The following LRRTM3 variants were observed in gnomAD, a reference collection of about 807,000 sequenced individuals.
LRRTM3 encodes the protein leucine rich repeat transmembrane neuronal 3, also known as leucine-rich repeat transmembrane neuronal protein 3.
A neutral mutation model predicts 44.7 loss-of-function variants in LRRTM3; 24 were observed. The ratio of observed to expected loss-of-function variants is 0.54; its 90% CI spans 0.39 to 0.76. The LOEUF (loss-of-function observed/expected upper bound fraction) is 0.76, where lower values mean the gene tolerates loss of function less well. LRRTM3 is among the 30% of genes least tolerant of loss of function. The pLI, the probability that LRRTM3 is intolerant of heterozygous loss-of-function variation, is 0.00. For missense variants in LRRTM3, 587 were observed against 702.2 expected (o/e 0.84, Z 1.85); for synonymous variants, 277 against 278.7 (o/e 0.99, Z 0.06).
intron 2 of LRRTM3, among the ~76,000 whole-genome samples, chr10:67,016,703 TTTGA>T (rs1408592699): frequency 1.3e-5 from 2 of 152,200 alleles, no homozygotes; most frequent in Non-Finnish European, 2.9e-5. Context: ...TCTTAGTGGG[TTTGA>T]TTATCTATTT....
chr10:67,019,500 G>A (rs544377730), intron 2 of LRRTM3, among the ~76,000 whole-genome samples: 1 of 152,200 alleles, frequency 6.6e-6, no homozygotes, highest in Non-Finnish European at 1.5e-5. Context: ...TTACAGGCAT[G>A]AGCCACCGTA....
At chr10:66,991,698 T>C (rs1589560497) in intron 2 of LRRTM3, among the ~76,000 whole-genome samples, 1 of 152,156 alleles carries the variant, frequency 6.6e-6, no homozygotes, top group African/African-American at 2.4e-5. Flanking sequence ...ATTAGAGGCA[T>C]GCACCAGAAA....
intron 2 of LRRTM3, among the ~76,000 whole-genome samples, chr10:67,028,007 G>A (rs973493380): frequency 2.6e-5 from 4 of 152,072 alleles, no homozygotes; most frequent in African/African-American, 9.7e-5. Context: ...TAAGGTAGCT[G>A]GTATTAACTG....
chr10:67,074,381 C>T (rs1416292055), intron 2 of LRRTM3, among the ~76,000 whole-genome samples: 7 of 117,238 alleles, frequency 6.0e-5, no homozygotes, highest in Non-Finnish European at 1.2e-4. Context: ...GACGGAGTCT[C>T]GCTCTGTCGC....
rs554954856 is a variant in LRRTM3, at chr10:67,040,889, A to G, written c.1537-56698A>G. Among the ~76,000 whole-genome samples, 35 of 152,280 alleles carry G rather than the reference A, an allele frequency of 2.3e-4. No homozygotes were observed. In the South Asian group the frequency reaches 7.0e-3, roughly 31 times the overall value. ...AACTATGACATACACCAAAGAGACA[A>G]AGATAAAAAAGACCTTGACTGACCC... On this transcript the variant is annotated intron_variant, in intron 2 of 2. Transcript: ENST00000361320.
chr10:67,017,756 C>T lies in LRRTM3; in HGVS notation c.1537-79831C>T, dbSNP rs574319512. ...GTGTGTGTGTGTGTGTGTGTGTGCG[C>T]GCGTACAATTTTATGTGTACAATTT... On this transcript the variant is annotated intron_variant, in intron 2 of 2. Transcript: ENST00000361320. 3.9e-3 allele frequency among the ~76,000 whole-genome samples: 584 copies of T among 148,874 alleles called. 9 individuals are homozygous for T. Among genetic ancestry groups the T allele is most frequent in the African/African-American group, 0.014 (554 of 40,504 alleles).
At chr10:67,053,715 AT>A (rs1467533572) in intron 2 of LRRTM3, among the ~76,000 whole-genome samples, 4 of 152,336 alleles carry the variant, frequency 2.6e-5, no homozygotes, top group African/African-American at 9.6e-5. Context: ...AAATGAAAAA[AT>A]AAATGGTGGT....
chr10:67,076,190 A>C (rs919882223), intron 2 of LRRTM3, among the ~76,000 whole-genome samples: 1 of 152,166 alleles, frequency 6.6e-6, no homozygotes, highest in African/African-American at 2.4e-5. Flanking sequence ...GAGAGCTACA[A>C]TTTTTCCAGC....
intron 2 of LRRTM3, among the ~76,000 whole-genome samples, chr10:67,041,330 C>T (rs1049005707): frequency 6.6e-6 from 1 of 152,042 alleles, no homozygotes; most frequent in East Asian, 1.9e-4. Flanking sequence ...GCCCAAGGGG[C>T]CTTCGTGATA....
chr10:66,970,508 G>GGGT (rs1422578176), intron 2 of LRRTM3, among the ~76,000 whole-genome samples: 18 of 140,022 alleles, frequency 1.3e-4, no homozygotes, highest in Admixed American at 7.4e-4. Flanking sequence ...TGGGTGGGGG[G>GGGT]GGGATACAAT....
chr10:67,042,115 A>G (rs746542049), intron 2 of LRRTM3, among the ~76,000 whole-genome samples: 2 of 152,208 alleles, frequency 1.3e-5, no homozygotes, highest in Non-Finnish European at 2.9e-5. Context: ...GGAGAAAACT[A>G]TGAAAGAAGA....
At chr10:66,967,522 G>C (rs1849498286) in intron 2 of LRRTM3, among the ~76,000 whole-genome samples, 1 of 151,800 alleles carries the variant, frequency 6.6e-6, no homozygotes. Context: ...AGCAATACAA[G>C]ATTTCAACCA....
chr10:67,010,569 C>A (rs1852256324), intron 2 of LRRTM3, among the ~76,000 whole-genome samples: 1 of 152,156 alleles, frequency 6.6e-6, no homozygotes, highest in African/African-American at 2.4e-5. Context: ...GCACTAGCTA[C>A]AATCATCCTC....
At chr10:67,019,783 T>G (rs554823791) in intron 2 of LRRTM3, among the ~76,000 whole-genome samples, 1 of 152,286 alleles carries the variant, frequency 6.6e-6, no homozygotes, top group East Asian at 1.9e-4. Flanking sequence ...TTGTCCTATT[T>G]GACTTTTGAT....
chr10:67,051,562 C>T (rs1242228202), intron 2 of LRRTM3, among the ~76,000 whole-genome samples: 4 of 148,768 alleles, frequency 2.7e-5, no homozygotes, highest in Non-Finnish European at 1.5e-5. Context: ...CAGGTTCAAG[C>T]GATTCTCCTG....
chr10:66,947,934 A>G (rs1307956494), intron 2 of LRRTM3, among the ~76,000 whole-genome samples: 2 of 152,218 alleles, frequency 1.3e-5, no homozygotes, highest in Non-Finnish European at 2.9e-5. Flanking sequence ...ATGACAGTCT[A>G]CTACACACCT....
At chr10:66,980,882 CCA>C (rs1438562072) in intron 2 of LRRTM3, among the ~76,000 whole-genome samples, 2 of 152,014 alleles carry the variant, frequency 1.3e-5, no homozygotes, top group East Asian at 3.9e-4. Flanking sequence ...CTTCAAGCAT[CCA>C]CAGTTTTTCT....
intron 2 of LRRTM3, among the ~76,000 whole-genome samples, chr10:67,045,520 GA>G (rs1313570537): frequency 6.6e-6 from 1 of 152,100 alleles, no homozygotes; most frequent in Non-Finnish European, 1.5e-5. Flanking sequence ...TGCTACGTAG[GA>G]AACCCCGACC....
intron 2 of LRRTM3, among the ~76,000 whole-genome samples, chr10:67,058,802 A>G (rs2133211081): frequency 6.6e-6 from 1 of 152,300 alleles, no homozygotes; most frequent in South Asian, 2.1e-4. Context: ...TCTACAAACC[A>G]GAAAATCTGA....
Sources: allele counts gnomAD v4.1 joint callset (sites outside exome capture counted in the v4.1 genomes callset), GRCh38; gene constraint gnomAD v4.1.1; transcripts MANE v1.5; gene names NCBI Gene and HGNC (gene_info 2026-07-23, HGNC 2026-07-21).